The following LTK variants were observed in gnomAD, a reference collection of about 807,000 sequenced individuals.
LTK encodes the protein leukocyte receptor tyrosine kinase.
A neutral mutation model predicts 101.5 loss-of-function variants in LTK; 117 were observed. The ratio of observed to expected loss-of-function variants is 1.15; its 90% CI spans 0.99 to 1.34. The LOEUF (loss-of-function observed/expected upper bound fraction) is 1.34. LTK is among the 40% of genes most tolerant of loss of function. The pLI, the probability that LTK is intolerant of heterozygous loss-of-function variation, is 0.00. For synonymous variants in LTK, 563 were observed against 494.2 expected (o/e 1.14, Z -1.85); for missense variants, 1,252 against 1,164.7 (o/e 1.07, Z -1.09).
rs960496384 is a variant in LTK, at chr15:41,507,000, A to AT, written c.1541+94dup. The AT allele has an allele frequency of 7.6e-5, 100 of 1,311,846 alleles. No individual in the cohort carries two copies. The African/African-American group carries it at 1.4e-3, about 19-fold the overall frequency. 81.3% of individuals were successfully genotyped at this position (1,311,846 alleles called of 1,614,324 possible). A position where few individuals can be genotyped will look rare whatever the true frequency, so the allele number is the denominator to read the frequency against. ...CCCTTACACAAGGGATGTGGGCCAG[A>AT]TTTTTTCTGGGACTTATAATTCACT... On this transcript the variant is annotated intron_variant, in intron 11 of 19. Coordinates refer to ENST00000263800, the MANE Select transcript of LTK (RefSeq NM_002344.6).
In LTK at chr15:41,504,444, C is replaced by G; in HGVS notation, c.2256-12G>C. The G allele has an allele frequency of 6.2e-7, 1 of 1,614,062 alleles. No individual in the cohort carries two copies. The highest frequency in any genetic ancestry group is 1.3e-5 in the African/African-American group (1 of 75,042). On this transcript the variant is annotated splice_polypyrimidine_tract_variant and intron_variant, in intron 18 of 19. Coordinates refer to ENST00000263800, the MANE Select transcript of LTK (RefSeq NM_002344.6). The stretch of plus-strand genomic sequence containing the variant: ...TCATGATGCGGTACCTGGGGAGAGG[C>G]AGGAGTTCATGCCCACCCATGGTTG...
rs541698027 is a variant in LTK, at chr15:41,505,077, CA to C, written c.1926-14del. 213 of 1,595,594 alleles carry C rather than the reference CA, an allele frequency of 1.3e-4. No homozygotes were observed. In the East Asian group the frequency reaches 3.8e-3, roughly 29 times the overall value. ...GGCGGCAATATCCCTACAGAGTAGG[CA>C]AAAAAAATCACTGCCAGAATCTAGA... On this transcript the variant is annotated splice_polypyrimidine_tract_variant and intron_variant, in intron 15 of 19. Coordinates refer to ENST00000263800, the MANE Select transcript of LTK (RefSeq NM_002344.6).
At position 41,505,932 on chromosome 15, in the gene LTK, G is replaced by A. The variant is rs748484832; in HGVS notation, c.1615C>T (p.Leu539=). The change falls in exon 12 of 20, where the codon CTG becomes TTG. Residue 539 remains leucine, a synonymous_variant. Coordinates refer to ENST00000263800, the MANE Select transcript of LTK (RefSeq NM_002344.6). The part of the protein sequence containing the change: ...VIGLPGDSSP[L]QVAIKTLPEL... Reference sequence around the variant, plus strand: ...CCTCTCACCTTGATAGCTACCTGCAGGGGACTGGAGTCCCCAGGAAGGCCA... The same window carrying A: ...CCTCTCACCTTGATAGCTACCTGCAAGGGACTGGAGTCCCCAGGAAGGCCA... 1.2e-6 allele frequency: 2 copies of A among 1,613,744 alleles called. No individual in the cohort carries two copies. The highest frequency in any genetic ancestry group is 1.7e-6 in the Non-Finnish European group (2 of 1,179,718).
chr15:41,512,969 A>G lies in LTK; in HGVS notation c.187+8T>C. 1 of 1,613,622 alleles carries G rather than the reference A, an allele frequency of 6.2e-7. No individual in the cohort carries two copies. Among genetic ancestry groups the G allele is most frequent in the Non-Finnish European group, 8.5e-7 (1 of 1,179,896 alleles). ...GAGCGAAAGAGGAAGGAGGCGTCTA[A>G]AGCTCACCCGGAGAATTCAGCGGGG... On this transcript the variant is annotated splice_region_variant and intron_variant, in intron 2 of 19. Coordinates refer to ENST00000263800, the MANE Select transcript of LTK (RefSeq NM_002344.6).
In LTK at chr15:41,505,485, G is replaced by A. The variant is rs2051244447; in HGVS notation, c.1743C>T (p.Leu581=). Residue 581 remains leucine, a synonymous_variant, in exon 14 of 20, where the codon CTC becomes CTT. Coordinates refer to ENST00000263800, the MANE Select transcript of LTK (RefSeq NM_002344.6). ...GCAGAATGAGGCGAGGGGTGGCCCT[G>A]AGGCTGAGCCCCACACACCGCACAA... ...QNIVRCVGLS[L]RATPRLILLE... is the part of the protein sequence containing the mutation. 2 of 1,614,102 alleles carry A rather than the reference G, an allele frequency of 1.2e-6. No individual in the cohort carries two copies. Among genetic ancestry groups the A allele is most frequent in the Non-Finnish European group, 8.5e-7 (1 of 1,180,010 alleles).
Position 41,511,529 on chromosome 15 carries a change from C to A in LTK, c.707G>T (p.Gly236Val), listed in dbSNP as rs768280164. ...GTCCCGCGGCCTCAGGTAGGCCCGA[C>A]CGCCGCCTCCGGCCGCCACCAGCAA... Reference protein sequence around the residue: ...EPLLVAAGGGGRAYLRPRDRG... With the variant: ...EPLLVAAGGGVRAYLRPRDRG... Residue 236 changes from glycine to valine, a missense_variant, in exon 6 of 20, where the codon GGT becomes GTT. Physicochemically the swap from Gly to Val is moderately radical, Grantham distance 109. Transcript: ENST00000263800. The surrounding 1 kb of genome is among the most constrained non-coding windows in gnomAD (Gnocchi z 5.9). 2.1e-6 allele frequency: 3 copies of A among 1,460,398 alleles called. No homozygotes were observed. The South Asian group carries it at 4.2e-5, about 21-fold the overall frequency. The allele number at this position is 1,460,398 out of a possible 1,614,324, so 90.5% of individuals were successfully genotyped here. A position where few individuals can be genotyped will look rare whatever the true frequency, so the allele number is the denominator to read the frequency against.
At chr15:41,505,380 G>A (rs373231117) in intron 14 of LTK, 21 bp downstream of exon 14, 246 of 1,613,514 alleles carry the variant, frequency 1.5e-4, no homozygotes, top group Non-Finnish European at 2.0e-4. Flanking sequence ...GGGCCTGGGG[G>A]GGCTAAGACA....
Position 41,512,698 on chromosome 15 carries a change from T to C in LTK, c.359+9A>G. The C allele has an allele frequency of 6.4e-7, 1 of 1,561,590 alleles. No homozygotes were observed. Among genetic ancestry groups the C allele is most frequent in the Non-Finnish European group, 8.6e-7 (1 of 1,156,834 alleles). ...GTCACTGTCCACCCTACCTCCGCCG[T>C]GCACTTACAGATACTGGCCAGGGCC... On this transcript the variant is annotated intron_variant, in intron 3 of 19. Transcript: ENST00000263800.
At position 41,507,148 on chromosome 15, in the gene LTK, C is replaced by T. The variant is rs770705285; in HGVS notation, c.1488G>A (p.Trp496Ter). 3.7e-6 allele frequency: 6 copies of T among 1,613,740 alleles called. No individual in the cohort carries two copies. In the South Asian group the frequency reaches 6.6e-5, roughly 18 times the overall value. ...CCTCGGTGACACCTGGTGGCAGAGGCCAGGACTGGGCCGGGCCAAGCCCCA... is the reference window on the plus strand; with the variant it reads ...CCTCGGTGACACCTGGTGGCAGAGGTCAGGACTGGGCCGGGCCAAGCCCCA... The part of the protein sequence containing the change: ...CQVGLGPAQS[W>*]PLPPGVTEVS... The change falls in exon 11 of 20, where the codon TGG becomes TGA. Residue 496 changes from tryptophan to a stop codon, truncating the protein, a stop_gained. Transcript: ENST00000263800. LOFTEE classifies it high-confidence loss of function.
intron 8 of LTK, 107 bp downstream of exon 8, chr15:41,508,924 G>T (rs2051370110): frequency 4.2e-6 from 3 of 709,252 alleles, no homozygotes. Flanking sequence ...CCTGTGCTAT[G>T]CAAGGTTATT....
In LTK at chr15:41,513,119, G is replaced by A. The variant is rs758365325; in HGVS notation, c.45C>T (p.Gly15=). 6.3e-7 allele frequency: 1 copy of A among 1,597,604 alleles called. No homozygotes were observed. Among genetic ancestry groups the A allele is most frequent in the Non-Finnish European group, 8.5e-7 (1 of 1,173,398 alleles). Residue 15 remains glycine, a splice_region_variant and synonymous_variant, in exon 2 of 20, where the codon GGC becomes GGT. Coordinates refer to ENST00000263800, the MANE Select transcript of LTK (RefSeq NM_002344.6). The stretch of plus-strand genomic sequence containing the variant: ...ACCCCGGGCTAGAGCAGAGAATGGC[G>A]CCTGAAAGGTGTTGGGAGAAGGCGC... ...GQLLVWFGAA[G]AILCSSPGSQ... is the part of the protein sequence containing the mutation.
In LTK at chr15:41,505,700, G is replaced by C. The variant is rs1566865380; in HGVS notation, c.1697+13C>G. On this transcript the variant is annotated intron_variant, in intron 13 of 19. Coordinates refer to ENST00000263800, the MANE Select transcript of LTK (RefSeq NM_002344.6). ...CTCCCGCCTTCCAGCCCTGCCCCTG[G>C]TCCCAGGTGCACCTGATGATGAGGG... 1 of 1,613,274 alleles carries C rather than the reference G, an allele frequency of 6.2e-7. No homozygotes were observed. Among genetic ancestry groups the C allele is most frequent in the African/African-American group, 1.3e-5 (1 of 74,846 alleles).
At position 41,504,522 on chromosome 15, in the gene LTK, C is replaced by A. The variant is rs777257887; in HGVS notation, c.2239G>T (p.Gly747Cys). 1.9e-5 allele frequency: 31 copies of A among 1,613,358 alleles called. No homozygotes were observed. The highest frequency in any genetic ancestry group is 3.3e-4 in the Middle Eastern group (2 of 6,078). ...TCAACTCACACAGGCCCTGGGCAGC[C>A]CCTAGGAGGGTCCATCCGGCCTCCT... ...VGGGRMDPPR[G>C]CPGPVYRIMT... The change falls in exon 18 of 20, where the codon GGC (glycine) becomes TGC (cysteine). Residue 747 changes from glycine to cysteine, a missense_variant. Coordinates refer to ENST00000263800, the MANE Select transcript of LTK (RefSeq NM_002344.6).
rs745821566 is a variant in LTK, at chr15:41,505,005, A to G, written c.1985T>C (p.Ile662Thr). The G allele has an allele frequency of 3.0e-5, 48 of 1,613,364 alleles. 1 individual carries two copies. The Admixed American group carries it at 3.8e-4, about 13-fold the overall frequency. Residue 662 changes from isoleucine to threonine, a missense_variant, in exon 16 of 20, where the codon ATT becomes ACT. Transcript: ENST00000263800. ...ATCTCGTGCCATCCCAAAGTCCCCA[A>G]TCTTGGCCACTCGGCTGGGTCCAGC... ...SCAGPSRVAK[I>T]GDFGMARDIY... is the part of the protein sequence containing the mutation.
At position 41,511,262 on chromosome 15, in the gene LTK, C is replaced by A; in HGVS notation, c.899G>T (p.Cys300Phe). 7.0e-7 allele frequency: 1 copy of A among 1,420,414 alleles called. No individual in the cohort carries two copies. Among genetic ancestry groups the A allele is most frequent in the Non-Finnish European group, 9.2e-7 (1 of 1,091,386 alleles). 88.0% of individuals were successfully genotyped at this position (1,420,414 alleles called of 1,614,324 possible). ...GCCAAGGGTCGCCCAAGCCTCGGAG[C>A]AGCCCTGGCCGCCCTCCGCCCCCTC... ...LQEGAEGGQG[C>F]SEAWATLGWA... is the part of the protein sequence containing the mutation. Residue 300 changes from cysteine to phenylalanine, a missense_variant, in exon 7 of 20, where the codon TGC becomes TTC. Cys to Phe is a radical substitution (Grantham distance 205). Transcript: ENST00000263800. The surrounding 1 kb of genome is among the most constrained non-coding windows in gnomAD (Gnocchi z 5.9).
At position 41,513,099 on chromosome 15, in the gene LTK, G is replaced by A. The variant is rs1391979483; in HGVS notation, c.65C>T (p.Pro22Leu). Residue 22 changes from proline (P) to leucine (L), a missense_variant, in exon 2 of 20, where the codon CCG becomes CTG. Physicochemically the swap from Pro to Leu is moderately conservative, Grantham distance 98 (BLOSUM62 -3). Coordinates refer to ENST00000263800, the MANE Select transcript of LTK (RefSeq NM_002344.6). ...CCGCAGAAAAGTCTCCTGGGACCCCGGGCTAGAGCAGAGAATGGCGCCTGA... is the reference window on the plus strand; with the variant it reads ...CCGCAGAAAAGTCTCCTGGGACCCCAGGCTAGAGCAGAGAATGGCGCCTGA... The part of the protein sequence containing the change: ...GAAGAILCSS[P>L]GSQETFLRSS... 3 of 1,606,666 alleles carry A rather than the reference G, an allele frequency of 1.9e-6. No homozygotes were observed. Among genetic ancestry groups the A allele is most frequent in the East Asian group, 2.2e-5 (1 of 44,626 alleles).
chr15:41,505,628 TG>T, intron 13 of LTK, 84 bp downstream of exon 13: 1 of 1,603,836 alleles, frequency 6.2e-7, no homozygotes, highest in Admixed American at 1.7e-5. Context: ...TCCCCTGACT[TG>T]CTACCTCAGC....
At chr15:41,507,485 G>C in intron 10 of LTK, 77 bp downstream of exon 10, 2 of 1,570,752 alleles carry the variant, frequency 1.3e-6, no homozygotes, top group East Asian at 4.8e-5. Flanking sequence ...GTCAGCCCCG[G>C]GACCCCGCAG....
chr15:41,504,828 A>C lies in LTK; in HGVS notation c.2065T>G (p.Trp689Gly). ...TCCAGGAAGGCCTCTGGGGGCATCCACTTGACTGGGAGCAAGGCCCGGTCC... is the reference window on the plus strand; with the variant it reads ...TCCAGGAAGGCCTCTGGGGGCATCCCCTTGACTGGGAGCAAGGCCCGGTCC... ...RGDRALLPVK[W>G]MPPEAFLEGI... Residue 689 changes from tryptophan to glycine, a missense_variant, in exon 17 of 20, where the codon TGG (tryptophan) becomes GGG (glycine). Physicochemically the swap from Trp to Gly is radical, Grantham distance 184. Coordinates refer to ENST00000263800, the MANE Select transcript of LTK (RefSeq NM_002344.6). The C allele has an allele frequency of 6.2e-7, 1 of 1,613,428 alleles. No homozygotes were observed. Among genetic ancestry groups the C allele is most frequent in the Admixed American group, 1.7e-5 (1 of 59,900 alleles).
Sources: gnomAD v4.1 joint callset for allele counts on GRCh38, gnomAD v4.1.1 for gene constraint, Gnocchi (gnomAD v3.1) non-coding constraint, MANE v1.5 for transcripts, NCBI Gene and HGNC (gene_info 2026-07-23, HGNC 2026-07-21) for gene names.